The following TRHDE variants were observed in gnomAD, a reference collection of about 807,000 sequenced individuals.
TRHDE encodes the protein thyrotropin-releasing hormone-degrading ectoenzyme.
TRHDE carries 72 observed loss-of-function variants against 125.7 expected under a neutral mutation model. The observed-to-expected ratio is 0.57, with a 90% confidence interval of 0.47 to 0.70. The LOEUF is 0.70. Ranked by LOEUF, TRHDE falls within the 30% of genes least tolerant of loss-of-function variation. TRHDE has a pLI of 0.00. For missense variants in TRHDE, 1,110 were observed against 1,327.1 expected, an observed-to-expected ratio of 0.84 and a Z score of 2.54; for synonymous variants, 509 against 509.1, an observed-to-expected ratio of 1.00 and a Z score of 0.00.
chr12:72,238,864 G>A (rs555614752), intron 2 of TRHDE, among the ~76,000 whole-genome samples: 1 of 152,288 alleles, frequency 6.6e-6, no homozygotes, highest in South Asian at 2.1e-4. Flanking sequence ...GTGTGCATGT[G>A]TCTTTACAGG....
chr12:72,428,440 T>G (rs1363739515), intron 3 of TRHDE, among the ~76,000 whole-genome samples: 2 of 152,156 alleles, frequency 1.3e-5, no homozygotes, highest in Non-Finnish European at 2.9e-5. Flanking sequence ...TGAAAGGCTT[T>G]TGTCAATTAT....
At chr12:72,362,777 C>T (rs998251069) in intron 2 of TRHDE, among the ~76,000 whole-genome samples, 15 of 152,090 alleles carry the variant, frequency 9.9e-5, no homozygotes, top group Admixed American at 3.9e-4. Flanking sequence ...CAGCTTTCTA[C>T]ATATGGCTAG....
At position 72,621,489 on chromosome 12, in the gene TRHDE, T is replaced by G. The variant is rs554669614; in HGVS notation, c.2568-155T>G. Among the ~76,000 whole-genome samples the G allele has an allele frequency of 3.9e-5, 6 of 152,264 alleles. No individual in the cohort carries two copies. In the East Asian group the frequency reaches 1.2e-3, roughly 29 times the overall value. ...GGAGTACTGTTAAACTTTTAGTATGTTTAACTTCCACTCTGCCTAAGTGAC... is the reference window on the plus strand; with the variant it reads ...GGAGTACTGTTAAACTTTTAGTATGGTTAACTTCCACTCTGCCTAAGTGAC... On this transcript the variant is annotated intron_variant, in intron 14 of 18. Coordinates refer to ENST00000261180, the MANE Select transcript of TRHDE (RefSeq NM_013381.3).
At chr12:72,566,683 T>C (rs1870464271) in intron 9 of TRHDE, among the ~76,000 whole-genome samples, 1 of 151,948 alleles carries the variant, frequency 6.6e-6, no homozygotes, top group South Asian at 2.1e-4. Context: ...AAGACACATT[T>C]GTCCTTGAGA....
chr12:72,526,924 G>A (rs1248854196), intron 6 of TRHDE, among the ~76,000 whole-genome samples: 1 of 152,164 alleles, frequency 6.6e-6, no homozygotes, highest in Non-Finnish European at 1.5e-5. Context: ...AATCAGAAAA[G>A]AGGAGTCAAT....
chr12:72,270,093 CT>C (rs1879162774), upstream of TRHDE, among the ~76,000 whole-genome samples: 1 of 152,200 alleles, frequency 6.6e-6, no homozygotes, highest in South Asian at 2.1e-4. Flanking sequence ...GCTCCTCTTA[CT>C]TGCTTGCACT....
At chr12:72,552,123 T>C (rs1282378938) in intron 7 of TRHDE, among the ~76,000 whole-genome samples, 1 of 152,140 alleles carries the variant, frequency 6.6e-6, no homozygotes, top group African/African-American at 2.4e-5. Flanking sequence ...CCAAGTGCTG[T>C]ATTAAACGGT....
intron 6 of TRHDE, among the ~76,000 whole-genome samples, chr12:72,511,951 T>C (rs1428290127): frequency 6.6e-6 from 1 of 152,180 alleles, no homozygotes; most frequent in Non-Finnish European, 1.5e-5. Flanking sequence ...TGTTATCCTC[T>C]CTTGTCCCTC....
intron 5 of TRHDE, among the ~76,000 whole-genome samples, chr12:72,489,492 C>T (rs1877563309): frequency 6.6e-6 from 1 of 151,694 alleles, no homozygotes; most frequent in African/African-American, 2.4e-5. Context: ...TAGAAGAAAA[C>T]AATTCTAAAA....
intron 3 of TRHDE, among the ~76,000 whole-genome samples, chr12:72,394,473 T>A (rs1168296347): frequency 6.6e-6 from 1 of 152,210 alleles, no homozygotes; most frequent in Non-Finnish European, 1.5e-5. Flanking sequence ...GCATCCCTTA[T>A]CACCTTGAGT....
At chr12:72,657,123 G>GCA in intron 18 of TRHDE, 115 bp downstream of exon 18, 1 of 668,716 alleles carries the variant, frequency 1.5e-6, no homozygotes, top group Non-Finnish European at 2.6e-6. Context: ...ACTTACACAC[G>GCA]CACACCACAC....
At chr12:72,512,414 CTATA>C (rs965271096) in intron 6 of TRHDE, among the ~76,000 whole-genome samples, 2 of 114,024 alleles carry the variant, frequency 1.8e-5, no homozygotes, top group Non-Finnish European at 3.3e-5. Context: ...ATAATTATAA[CTATA>C]TAATATATAT....
intron 2 of TRHDE, among the ~76,000 whole-genome samples, chr12:72,190,724 T>C (rs1175151906): frequency 6.6e-6 from 1 of 152,208 alleles, no homozygotes; most frequent in East Asian, 1.9e-4. Flanking sequence ...CATTATATCT[T>C]TCCTGGCCAC....
intron 6 of TRHDE, among the ~76,000 whole-genome samples, chr12:72,507,181 GTCTTAGGTAAT>G (rs1458250893): frequency 6.6e-6 from 1 of 152,150 alleles, no homozygotes; most frequent in Non-Finnish European, 1.5e-5. Context: ...GAACTACACA[GTCTTAGGTAAT>G]TCTTTATAGC....
intron 2 of TRHDE, among the ~76,000 whole-genome samples, chr12:72,307,119 C>G (rs891814658): frequency 6.6e-6 from 1 of 151,940 alleles, no homozygotes; most frequent in Non-Finnish European, 1.5e-5. Context: ...CTATGGGAAG[C>G]CTTTGGAAGG....
intron 9 of TRHDE, 45 bp downstream of exon 9, chr12:72,563,085 C>T (rs372796884): frequency 7.4e-7 from 1 of 1,352,134 alleles, no homozygotes; most frequent in East Asian, 2.5e-5. Context: ...TTTATTCTTA[C>T]ATTTGTAGGT....
At chr12:72,472,123 C>T (rs1876676147) in intron 4 of TRHDE, among the ~76,000 whole-genome samples, 1 of 152,170 alleles carries the variant, frequency 6.6e-6, no homozygotes, top group Non-Finnish European at 1.5e-5. Flanking sequence ...TCCCTCATTC[C>T]TGTAGCAGTT....
intron 2 of TRHDE, among the ~76,000 whole-genome samples, chr12:72,241,289 A>G (rs1335530850): frequency 1.3e-5 from 2 of 152,192 alleles, no homozygotes; most frequent in African/African-American, 4.8e-5. Context: ...TCACTGTGCT[A>G]TCCCTTTGTA....
chr12:72,096,044 A>G (rs1354149628), intron 1 of TRHDE, among the ~76,000 whole-genome samples: 1 of 151,678 alleles, frequency 6.6e-6, no homozygotes, highest in Admixed American at 6.6e-5. Flanking sequence ...CTGAGTCTCC[A>G]GTGTGATGGC....
Sources: allele counts gnomAD v4.1 joint callset (sites outside exome capture counted in the v4.1 genomes callset), GRCh38; gene constraint gnomAD v4.1.1; transcripts MANE v1.5; gene names NCBI Gene and HGNC (gene_info 2026-07-23, HGNC 2026-07-21).